The following ILDR2 variants were observed in gnomAD, a reference collection of about 807,000 sequenced individuals.
The protein encoded by ILDR2 is immunoglobulin-like domain-containing receptor 2.
Under a neutral mutation model 66.8 loss-of-function variants are expected in ILDR2, and 25 were observed. The observed-to-expected ratio is 0.37, with a 90% CI of 0.27 to 0.52. The LOEUF (loss-of-function observed/expected upper bound fraction) is 0.52, where lower values mean the gene tolerates loss of function less well. Ranked by LOEUF, ILDR2 falls within the 20% of genes least tolerant of loss-of-function variation. The pLI is 0.88. For synonymous variants in ILDR2, 367 were observed against 357.2 expected (o/e 1.03, Z -0.31); for missense variants, 827 against 876.8 (o/e 0.94, Z 0.72).
At chr1:166,961,460 C>A (rs1214839679) in intron 1 of ILDR2, among the ~76,000 whole-genome samples, 1 of 152,168 alleles carries the variant, frequency 6.6e-6, no homozygotes, top group East Asian at 1.9e-4. Flanking sequence ...AATACATTCT[C>A]AGAAACATCT....
chr1:166,918,982 T>C lies in ILDR2; in HGVS notation c.*373A>G, dbSNP rs973010297. The C allele has an allele frequency of 2.6e-6, 1 of 389,486 alleles. No homozygotes were observed. The highest frequency in any genetic ancestry group is 2.0e-5 in the African/African-American group (1 of 48,884). 24.1% of individuals were successfully genotyped at this position (389,486 alleles called of 1,614,324 possible). A position where few individuals can be genotyped will look rare whatever the true frequency, so the allele number is the denominator to read the frequency against. On this transcript the variant is annotated 3_prime_UTR_variant, in exon 10 of 10. Coordinates refer to ENST00000271417, the MANE Select transcript of ILDR2 (RefSeq NM_199351.3). ...ATAGCACAGGAGGTATAGAAAAGCA[T>C]ATTGTAGGCATAGGCAATTTCTGGA...
Position 166,921,442 on chromosome 1 carries a change from C to T in ILDR2, c.1212-63G>A, listed in dbSNP as rs1659935700. 1.2e-5 allele frequency: 16 copies of T among 1,369,054 alleles called. No homozygotes were observed. Among genetic ancestry groups the T allele is most frequent in the East Asian group, 2.4e-5 (1 of 42,004 alleles). 84.8% of individuals were successfully genotyped at this position (1,369,054 alleles called of 1,614,324 possible). ...CTCCCTGGAGCTCCAGGTAGGGCTC[C>T]CAAGAGCACCCATCGTGTCCTGGGG... On this transcript the variant is annotated intron_variant, in intron 8 of 9. Coordinates refer to ENST00000271417, the MANE Select transcript of ILDR2 (RefSeq NM_199351.3). This position sits in a 1 kb window ranked among gnomAD's most constrained non-coding sequence, Gnocchi z 5.3.
chr1:166,967,021 C>T (rs542804749), intron 1 of ILDR2, among the ~76,000 whole-genome samples: 1 of 152,374 alleles, frequency 6.6e-6, no homozygotes, highest in African/African-American at 2.4e-5. Flanking sequence ...CTAACCATCT[C>T]CTTCTTCCTT....
At chr1:166,930,108 C>T (rs1404689187) in intron 6 of ILDR2, among the ~76,000 whole-genome samples, 4 of 152,140 alleles carry the variant, frequency 2.6e-5, no homozygotes, top group East Asian at 1.9e-4. Flanking sequence ...CAGACATGGT[C>T]GGTGAGAGAT....
intron 3 of ILDR2, among the ~76,000 whole-genome samples, chr1:166,955,538 G>A (rs1450378984): frequency 6.6e-6 from 1 of 152,152 alleles, no homozygotes; most frequent in East Asian, 1.9e-4. Flanking sequence ...GAGAGGCAGA[G>A]GTTGCAATGA....
At chr1:166,902,007 T>C (rs2101813026) in intron 2 of ILDR2, among the ~76,000 whole-genome samples, 1 of 152,290 alleles carries the variant, frequency 6.6e-6, no homozygotes, top group Admixed American at 6.5e-5. Context: ...ATTACAGGCA[T>C]GTGCCAGCAT....
rs758049307 is a variant in ILDR2 at position 166,915,955 on chromosome 1, C to G, written c.*3400G>C. The G allele has an allele frequency of 1.2e-4, 19 of 152,320 alleles. No homozygotes were observed. Among genetic ancestry groups the G allele is most frequent in the Non-Finnish European group, 2.5e-4 (17 of 68,118 alleles). The allele number at this position is 152,320 out of a possible 1,614,324, so 9.4% of individuals were successfully genotyped here. ...CGCAGAACTGAGCCCCAGGAGCAGC[C>G]ACGCTGAGCTCCCCTGTGAACGTGC... On this transcript the variant is annotated 3_prime_UTR_variant, in exon 10 of 10. Coordinates refer to ENST00000271417, the MANE Select transcript of ILDR2 (RefSeq NM_199351.3).
In ILDR2 at chr1:166,913,115, T is replaced by C. The variant is rs1279215602; in HGVS notation, c.*6240A>G. 1 of 152,226 alleles carries C rather than the reference T, an allele frequency of 6.6e-6. No individual in the cohort carries two copies. The highest frequency in any genetic ancestry group is 1.9e-4 in the East Asian group (1 of 5,200). The allele number at this position is 152,226 out of a possible 1,614,324, so 9.4% of individuals were successfully genotyped here. On this transcript the variant is annotated 3_prime_UTR_variant, in exon 10 of 10. Transcript: ENST00000271417. The stretch of plus-strand genomic sequence containing the variant: ...CTTACAACAATCAGAGAAGGACATG[T>C]ATCATATGATTCTTTCTCTTGCTGA...
At chr1:166,948,859 G>A (rs1661800748) in intron 3 of ILDR2, among the ~76,000 whole-genome samples, 3 of 152,196 alleles carry the variant, frequency 2.0e-5, no homozygotes, top group Admixed American at 2.0e-4. Flanking sequence ...TAAGGGGTGG[G>A]AGAAGGAAGC....
intron 7 of ILDR2, among the ~76,000 whole-genome samples, chr1:166,923,106 CT>C (rs1660056686): frequency 6.6e-6 from 1 of 152,210 alleles, no homozygotes; most frequent in Non-Finnish European, 1.5e-5. Flanking sequence ...CTCAGGATCT[CT>C]GTTGCTGGCC....
At chr1:166,972,651 A>G (rs950317978) in intron 1 of ILDR2, among the ~76,000 whole-genome samples, 1 of 152,168 alleles carries the variant, frequency 6.6e-6, no homozygotes, top group African/African-American at 2.4e-5. Flanking sequence ...TGGAGGAAAA[A>G]ACTGAAGTGC....
chr1:166,926,295 T>C (rs1389207786), intron 7 of ILDR2, among the ~76,000 whole-genome samples: 1 of 152,058 alleles, frequency 6.6e-6, no homozygotes, highest in Non-Finnish European at 1.5e-5. Flanking sequence ...TTACCTCCCA[T>C]GATACATAAG....
In ILDR2 at chr1:166,924,177, CCTTTT is replaced by C. The variant is rs1189282822; in HGVS notation, c.995-1373_995-1369del. Among the ~76,000 whole-genome samples the C allele has an allele frequency of 2.0e-5, 3 of 152,170 alleles. No homozygotes were observed. In the East Asian group the frequency reaches 5.8e-4, roughly 29 times the overall value. The stretch of plus-strand genomic sequence containing the variant: ...TTTTTAATTATAATTTAATTTTTAA[CCTTTT>C]CTTCCATCTAAGAAGAAGGGACTAT... On this transcript the variant is annotated intron_variant, in intron 7 of 9. Transcript: ENST00000271417.
chr1:166,904,822 T>A (rs1427474991), downstream of ILDR2, among the ~76,000 whole-genome samples: 1 of 152,162 alleles, frequency 6.6e-6, no homozygotes, highest in Non-Finnish European at 1.5e-5. Context: ...GGGGAGATTG[T>A]GGGGGCCCAG....
chr1:166,961,589 T>G (rs1011931503), intron 1 of ILDR2, among the ~76,000 whole-genome samples: 2 of 152,218 alleles, frequency 1.3e-5, no homozygotes, highest in African/African-American at 4.8e-5. Context: ...GTTTCCTCGC[T>G]GGCAAAACCA....
intron 2 of ILDR2, among the ~76,000 whole-genome samples, chr1:166,898,788 A>C (rs374187397): frequency 6.6e-6 from 1 of 152,200 alleles, no homozygotes; most frequent in Admixed American, 6.5e-5. Flanking sequence ...GGCCAGATGC[A>C]GTAGCTGACA....
intron 3 of ILDR2, among the ~76,000 whole-genome samples, chr1:166,950,039 C>T (rs559111954): frequency 2.0e-5 from 3 of 152,282 alleles, no homozygotes; most frequent in South Asian, 2.1e-4. Context: ...ACTCTACTGA[C>T]GCATAATCTG....
chr1:166,939,431 A>T, intron 4 of ILDR2, 83 bp downstream of exon 4: 1 of 1,119,284 alleles, frequency 8.9e-7, no homozygotes, highest in Non-Finnish European at 1.4e-6. Context: ...AATAAAGTAA[A>T]GAAGCAATTA....
Position 166,936,822 on chromosome 1 carries a change from G to C in ILDR2, c.557-85C>G. On this transcript the variant is annotated intron_variant, in intron 4 of 9. Transcript: ENST00000271417. The surrounding 1 kb of genome is among the most constrained non-coding windows in gnomAD (Gnocchi z 5.0). ...CTTTGATTGGCATCTCCCGGTGAAA[G>C]GGGGAGAGGAGGAGGGACCTAGGGA... 1 of 1,343,304 alleles carries C rather than the reference G, an allele frequency of 7.4e-7. No individual in the cohort carries two copies. The allele number at this position is 1,343,304 out of a possible 1,614,324, so 83.2% of individuals were successfully genotyped here.
Sources: allele counts gnomAD v4.1 joint callset (sites outside exome capture counted in the v4.1 genomes callset), GRCh38; gene constraint gnomAD v4.1.1; non-coding constraint Gnocchi (gnomAD v3.1); transcripts MANE v1.5; gene names NCBI Gene and HGNC (gene_info 2026-07-23, HGNC 2026-07-21).